APBB1IP: variants seen among roughly 807,000 people sequenced by gnomAD.
APBB1IP encodes amyloid beta precursor protein binding family B member 1 interacting protein.
A neutral mutation model predicts 64.9 loss-of-function variants in APBB1IP; 27 were observed. The observed-to-expected ratio is 0.42, with a 90% CI of 0.31 to 0.57. The LOEUF is 0.57. APBB1IP is among the 20% of genes least tolerant of loss of function. The probability of loss-of-function intolerance (pLI) is 0.20; values close to 1 mark genes in which losing one functional copy is unlikely to be tolerated. For synonymous variants in APBB1IP, 392 were observed against 331.0 expected (o/e 1.18, Z -2.00); for missense variants, 812 against 845.5 (o/e 0.96, Z 0.49).
intron 11 of APBB1IP, among the ~76,000 whole-genome samples, chr10:26,559,796 T>TTTTTTTC (rs763842717): frequency 1.3e-5 from 2 of 151,856 alleles, no homozygotes; most frequent in Non-Finnish European, 2.9e-5. Context: ...TTTCTTTTTC[T>TTTTTTTC]TTTTTTCTTT....
At chr10:26,466,536 C>T (rs1354730393) in intron 2 of APBB1IP, among the ~76,000 whole-genome samples, 1 of 152,228 alleles carries the variant, frequency 6.6e-6, no homozygotes, top group Non-Finnish European at 1.5e-5. Flanking sequence ...TACAGTGGCT[C>T]ACACCTATAA....
Position 26,541,176 on chromosome 10 carries a change from A to G in APBB1IP, c.1045-406A>G, listed in dbSNP as rs114279090. Among the ~76,000 whole-genome samples the G allele has an allele frequency of 5.7e-3, 870 of 152,262 alleles. 4 individuals carry two copies. The highest frequency in any genetic ancestry group is 0.02 in the African/African-American group (826 of 41,564). On this transcript the variant is annotated intron_variant, in intron 10 of 14. Coordinates refer to ENST00000376236, the MANE Select transcript of APBB1IP (RefSeq NM_019043.4). ...TGGCTGCACTCTTTTTAAAAAATTAATTTTATTTTTTGATTGACAAATAAT... is the reference window on the plus strand; with the variant it reads ...TGGCTGCACTCTTTTTAAAAAATTAGTTTTATTTTTTGATTGACAAATAAT...
chr10:26,524,551 T>G (rs1836446272), intron 8 of APBB1IP, among the ~76,000 whole-genome samples: 1 of 152,188 alleles, frequency 6.6e-6, no homozygotes, highest in African/African-American at 2.4e-5. Context: ...TTTTATATAT[T>G]TCAGGGAGAC....
At chr10:26,514,279 A>G (rs1836297470) in intron 8 of APBB1IP, among the ~76,000 whole-genome samples, 1 of 152,062 alleles carries the variant, frequency 6.6e-6, no homozygotes, top group Non-Finnish European at 1.5e-5. Flanking sequence ...GTATTAATCC[A>G]ATATATCTTC....
intron 2 of APBB1IP, among the ~76,000 whole-genome samples, chr10:26,457,403 G>A (rs902251586): frequency 6.6e-6 from 1 of 152,194 alleles, no homozygotes; most frequent in Non-Finnish European, 1.5e-5. Context: ...GCCTTCCAAA[G>A]TGCCAGGATT....
At chr10:26,511,140 A>G (rs910482565) in intron 6 of APBB1IP, among the ~76,000 whole-genome samples, 3 of 152,152 alleles carry the variant, frequency 2.0e-5, no homozygotes, top group African/African-American at 7.2e-5. Context: ...CAGGAGTTCA[A>G]GACCAGCCTG....
intron 2 of APBB1IP, among the ~76,000 whole-genome samples, chr10:26,474,796 C>G (rs1430281812): frequency 6.6e-6 from 1 of 152,202 alleles, no homozygotes; most frequent in Non-Finnish European, 1.5e-5. Context: ...TGCTCAAAAT[C>G]TTGTGATTAC....
chr10:26,439,517 G>A (rs985143147), intron 2 of APBB1IP, among the ~76,000 whole-genome samples: 5 of 152,190 alleles, frequency 3.3e-5, no homozygotes, highest in Non-Finnish European at 7.3e-5. Context: ...ACAGAATGGA[G>A]GAAACTAACT....
chr10:26,495,643 C>G (rs372101024), intron 3 of APBB1IP, among the ~76,000 whole-genome samples: 3 of 149,384 alleles, frequency 2.0e-5, no homozygotes, highest in East Asian at 3.9e-4. Context: ...GAAAGAGGCC[C>G]CTTTTAGTCT....
At chr10:26,560,599 A>C (rs1836955030) in intron 12 of APBB1IP, 131 bp from the exon 13 acceptor site, 1 of 609,660 alleles carries the variant, frequency 1.6e-6, no homozygotes, top group Non-Finnish European at 2.8e-6. Context: ...ATATCCAAAA[A>C]ACCAACTCAG....
intron 11 of APBB1IP, among the ~76,000 whole-genome samples, chr10:26,542,835 T>G (rs575711138): frequency 1.6e-4 from 24 of 151,644 alleles, no homozygotes; most frequent in African/African-American, 5.1e-4. Flanking sequence ...AAAACCACTA[T>G]ACTAGCTCAG....
rs749872569 is a variant in APBB1IP, at chr10:26,567,517, AG to A, written c.*30del. ...CGGGCATGATGAGTGTTCCAGAGGG[AG>A]AAGCATCGCTGACCCCGAGCGCAGG... On this transcript the variant is annotated 3_prime_UTR_variant, in exon 15 of 15. Transcript: ENST00000376236. 6 of 1,533,440 alleles carry A rather than the reference AG, an allele frequency of 3.9e-6. No individual in the cohort carries two copies. In the South Asian group the frequency reaches 5.5e-5, roughly 14 times the overall value. The allele number at this position is 1,533,440 out of a possible 1,614,324, so 95.0% of individuals were successfully genotyped here. A position where few individuals can be genotyped will look rare whatever the true frequency, so the allele number is the denominator to read the frequency against.
At chr10:26,517,790 G>C (rs923130329) in intron 8 of APBB1IP, among the ~76,000 whole-genome samples, 7 of 152,208 alleles carry the variant, frequency 4.6e-5, no homozygotes, top group Admixed American at 6.5e-5. Context: ...CTTGCTGATG[G>C]ATATTTGACT....
intron 2 of APBB1IP, among the ~76,000 whole-genome samples, chr10:26,459,171 T>C (rs1479747366): frequency 1.0e-4 from 15 of 144,974 alleles, no homozygotes; most frequent in African/African-American, 2.5e-4. Flanking sequence ...TTCCCACCTA[T>C]GAGTGAGAAC....
chr10:26,511,957 G>T, intron 7 of APBB1IP, 51 bp downstream of exon 7: 3 of 1,593,228 alleles, frequency 1.9e-6, no homozygotes, highest in Non-Finnish European at 2.6e-6. Context: ...TTGTGGGTTT[G>T]CTGTATAATG....
At chr10:26,506,616 GGAGGA>G (rs1258399942) in intron 6 of APBB1IP, among the ~76,000 whole-genome samples, 5 of 152,140 alleles carry the variant, frequency 3.3e-5, no homozygotes, top group Admixed American at 1.3e-4. Flanking sequence ...GGTTGAAGTG[GGAGGA>G]TTGCTTCGCC....
intron 6 of APBB1IP, among the ~76,000 whole-genome samples, chr10:26,508,929 T>C (rs956044364): frequency 6.6e-6 from 1 of 152,230 alleles, no homozygotes; most frequent in African/African-American, 2.4e-5. Flanking sequence ...TGTTTTATTT[T>C]CTTAAGAATT....
intron 2 of APBB1IP, among the ~76,000 whole-genome samples, chr10:26,451,127 A>G (rs1438525028): frequency 1.3e-5 from 2 of 152,204 alleles, no homozygotes; most frequent in East Asian, 3.8e-4. Flanking sequence ...ATAAGAAATG[A>G]AAGGGGTGTT....
chr10:26,465,709 A>G (rs1835640345), intron 2 of APBB1IP, among the ~76,000 whole-genome samples: 1 of 152,230 alleles, frequency 6.6e-6, no homozygotes, highest in Non-Finnish European at 1.5e-5. Context: ...ATTTTGACAT[A>G]AACATGTCAT....
Sources: gnomAD v4.1 joint callset for allele counts (sites outside exome capture counted in the v4.1 genomes callset) on GRCh38, gnomAD v4.1.1 for gene constraint, MANE v1.5 for transcripts, NCBI Gene and HGNC (gene_info 2026-07-23, HGNC 2026-07-21) for gene names.